AFAP1: variants seen among roughly 807,000 people sequenced by gnomAD.
The protein encoded by AFAP1 is actin filament associated protein 1, also known as actin filament-associated protein 1.
Under a neutral mutation model 93.9 loss-of-function variants are expected in AFAP1, and 75 were observed. That is an observed-to-expected ratio of 0.80 (90% CI 0.66 to 0.97). The LOEUF is 0.97. Among genes scored for constraint, AFAP1 ranks in the 50% least tolerant of loss-of-function variants. The pLI is 0.00. For synonymous variants in AFAP1, 517 were observed against 430.7 expected (o/e 1.20, Z -2.48); for missense variants, 1,201 against 1,050.8 (o/e 1.14, Z -1.98).
chr4:7,812,258 G>A (rs969370418), intron 8 of AFAP1, among the ~76,000 whole-genome samples: 3 of 152,140 alleles, frequency 2.0e-5, no homozygotes, highest in Non-Finnish European at 4.4e-5. Context: ...CCTCAGAAAG[G>A]CTGGTGGAGC....
intron 3 of AFAP1, among the ~76,000 whole-genome samples, chr4:7,863,719 A>C (rs1716020278): frequency 1.3e-5 from 2 of 152,334 alleles, no homozygotes; most frequent in South Asian, 4.1e-4. Context: ...CTATTGAATA[A>C]AGGTATGAAG....
At chr4:7,930,614 T>A (rs1721013899) in intron 1 of AFAP1, among the ~76,000 whole-genome samples, 1 of 152,322 alleles carries the variant, frequency 6.6e-6, no homozygotes, top group South Asian at 2.1e-4. Context: ...GAAGCTCTTG[T>A]GTCAGGAATT....
intron 1 of AFAP1, among the ~76,000 whole-genome samples, chr4:7,924,871 C>A (rs1161366704): frequency 7.3e-6 from 1 of 136,352 alleles, no homozygotes; most frequent in African/African-American, 2.9e-5. Context: ...TCAAAACCAA[C>A]AGCCACCCTA....
At chr4:7,875,474 C>T (rs188136591) in intron 1 of AFAP1, among the ~76,000 whole-genome samples, 4 of 152,118 alleles carry the variant, frequency 2.6e-5, no homozygotes, top group South Asian at 4.2e-4. Flanking sequence ...TAAAAATGGA[C>T]GAGGCATGTT....
chr4:7,795,672 A>G (rs1481263913), intron 10 of AFAP1, among the ~76,000 whole-genome samples: 1 of 151,874 alleles, frequency 6.6e-6, no homozygotes, highest in Non-Finnish European at 1.5e-5. Flanking sequence ...TGATCTGCCC[A>G]CCTCGGCCTC....
intron 1 of AFAP1, among the ~76,000 whole-genome samples, chr4:7,881,045 A>G (rs1319321791): frequency 1.3e-5 from 2 of 152,022 alleles, no homozygotes; most frequent in Non-Finnish European, 2.9e-5. Context: ...TTTCCTTTCT[A>G]TTTTTATCTG....
rs1002865633 is a variant in AFAP1 at position 7,939,499 on chromosome 4, G to A, written c.-3+157C>T. 1 of 320,448 alleles carries A rather than the reference G, an allele frequency of 3.1e-6. No homozygotes were observed. Among genetic ancestry groups the A allele is most frequent in the East Asian group, 1.5e-4 (1 of 6,536 alleles). 19.9% of individuals were successfully genotyped at this position (320,448 alleles called of 1,614,324 possible). A position where few individuals can be genotyped will look rare whatever the true frequency, so the allele number is the denominator to read the frequency against. On this transcript the variant is annotated intron_variant, in intron 1 of 17. Transcript: ENST00000420658. The surrounding 1 kb of genome is among the most constrained non-coding windows in gnomAD (Gnocchi z 5.6). The stretch of plus-strand genomic sequence containing the variant: ...GGACCCCCGCGCGGGCCCACGCGGC[G>A]TCGCAGCAGGCGCGGAGCCCCCGGT...
intron 11 of AFAP1, among the ~76,000 whole-genome samples, chr4:7,791,644 G>C (rs973594539): frequency 2.0e-5 from 3 of 151,576 alleles, no homozygotes; most frequent in African/African-American, 4.9e-5. Context: ...AGGAGTCCAG[G>C]AGTTTGAGAC....
chr4:7,847,379 T>G lies in AFAP1; in HGVS notation c.335-4029A>C, dbSNP rs185905029. Among the ~76,000 whole-genome samples, 5 of 151,298 alleles carry G rather than the reference T, an allele frequency of 3.3e-5. No individual in the cohort carries two copies. In the East Asian group the frequency reaches 7.8e-4, roughly 24 times the overall value. The stretch of plus-strand genomic sequence containing the variant: ...TAGCAGTGTCCCTAATCAAGAGAAC[T>G]CTCCGGAAAGTATGCTTAGCAGTGT... On this transcript the variant is annotated intron_variant, in intron 4 of 17. Transcript: ENST00000420658.
chr4:7,839,180 T>TA (rs1334242935), intron 5 of AFAP1, among the ~76,000 whole-genome samples: 1 of 151,450 alleles, frequency 6.6e-6, no homozygotes, highest in Non-Finnish European at 1.5e-5. Flanking sequence ...ACCAAAAACA[T>TA]AAAAAATTAG....
intron 1 of AFAP1, among the ~76,000 whole-genome samples, chr4:7,924,680 T>A (rs540067088): frequency 1.5e-4 from 23 of 152,210 alleles, no homozygotes; most frequent in Non-Finnish European, 2.8e-4. Context: ...CCTGACCATG[T>A]GTATAAAGAC....
intron 1 of AFAP1, among the ~76,000 whole-genome samples, chr4:7,890,004 TAAAAAAAA>T (rs543991662): frequency 1.0e-5 from 1 of 100,356 alleles, no homozygotes; most frequent in Non-Finnish European, 1.9e-5. Context: ...CAATTTTTGT[TAAAAAAAA>T]AAAAAAAAAA....
intron 1 of AFAP1, among the ~76,000 whole-genome samples, chr4:7,876,609 C>T (rs113831382): frequency 1.0e-3 from 152 of 152,298 alleles, no homozygotes; most frequent in African/African-American, 3.3e-3. Flanking sequence ...CAGGCAGCCC[C>T]GCAAGAGAGG....
intron 6 of AFAP1, among the ~76,000 whole-genome samples, chr4:7,836,563 C>G (rs759344291): frequency 6.6e-6 from 1 of 152,210 alleles, no homozygotes; most frequent in African/African-American, 2.4e-5. Flanking sequence ...TCTCCCACCT[C>G]AGTCTCCAGA....
chr4:7,774,973 C>A, intron 14 of AFAP1, 70 bp from the exon 15 acceptor site: 1 of 1,550,998 alleles, frequency 6.4e-7, no homozygotes. Context: ...ACGATCCCTT[C>A]TCCACAAAAA....
intron 14 of AFAP1, chr4:7,776,475 G>A (rs747479254): frequency 6.6e-6 from 1 of 152,298 alleles, no homozygotes; most frequent in South Asian, 2.1e-4. Context: ...GCCTGATGTA[G>A]TGGACATTCA....
At chr4:7,765,000 G>T (rs1458302792) in intron 17 of AFAP1, among the ~76,000 whole-genome samples, 1 of 152,170 alleles carries the variant, frequency 6.6e-6, no homozygotes, top group Non-Finnish European at 1.5e-5. Flanking sequence ...CAGCTACTCG[G>T]TAGGCTGAGG....
At chr4:7,771,111 C>T (rs1488241681) in intron 16 of AFAP1, among the ~76,000 whole-genome samples, 1 of 152,252 alleles carries the variant, frequency 6.6e-6, no homozygotes, top group East Asian at 1.9e-4. Context: ...CATCTGACAC[C>T]AACGTGTTTT....
intron 3 of AFAP1, among the ~76,000 whole-genome samples, chr4:7,866,157 A>T (rs887851548): frequency 1.3e-5 from 2 of 152,110 alleles, no homozygotes; most frequent in Admixed American, 6.5e-5. Context: ...TCGGCCTCCC[A>T]AAGTGCTGGG....
Sources: allele counts gnomAD v4.1 joint callset (sites outside exome capture counted in the v4.1 genomes callset), GRCh38; gene constraint gnomAD v4.1.1; non-coding constraint Gnocchi (gnomAD v3.1); transcripts MANE v1.5; gene names NCBI Gene and HGNC (gene_info 2026-07-23, HGNC 2026-07-21).